PCBP3: variants seen among roughly 807,000 people sequenced by gnomAD.
The protein encoded by PCBP3 is poly(rC) binding protein 3, also known as poly(rC)-binding protein 3.
Under a neutral mutation model 52.7 loss-of-function variants are expected in PCBP3, and 25 were observed. The ratio of observed to expected loss-of-function variants is 0.47; its 90% CI spans 0.35 to 0.66. PCBP3 has a LOEUF of 0.66. Ranked by LOEUF, PCBP3 falls within the 30% of genes least tolerant of loss-of-function variation. The pLI, the probability that PCBP3 is intolerant of heterozygous loss-of-function variation, is 0.01. For missense variants in PCBP3, 391 were observed against 490.3 expected (o/e 0.80, Z 1.91); for synonymous variants, 162 against 183.0 (o/e 0.89, Z 0.93).
chr21:45,817,492 C>T lies in PCBP3; in HGVS notation c.-125-32469C>T, dbSNP rs1004443335. Among the ~76,000 whole-genome samples, 2 of 152,244 alleles carry T rather than the reference C, an allele frequency of 1.3e-5. No homozygotes were observed. Among genetic ancestry groups the T allele is most frequent in the African/African-American group, 4.8e-5 (2 of 41,462 alleles). ...CGTCTCCTCTTAGCTCTTGCCTCTG[C>T]TGTCCCCATCTCCCATATTCCAGCT... On this transcript the variant is annotated intron_variant, in intron 4 of 17. Coordinates refer to ENST00000681687, the MANE Select transcript of PCBP3 (RefSeq NM_001384156.1). The surrounding 1 kb of genome is among the most constrained non-coding windows in gnomAD (Gnocchi z 4.3).
intron 5 of PCBP3, among the ~76,000 whole-genome samples, chr21:45,893,610 G>T (rs887355130): frequency 1.8e-4 from 27 of 152,040 alleles, no homozygotes; most frequent in African/African-American, 5.8e-4. Flanking sequence ...GTGCAGACGG[G>T]GGGTGGGGAT....
rs868763434 is a variant in PCBP3, at chr21:45,655,750, A to G, written c.-279+11882A>G. On this transcript the variant is annotated intron_variant, in intron 1 of 17. Transcript: ENST00000681687. ...CTACAGAATGGGAGAACGTCTTTAC[A>G]ATCTATCCATCTGACAACGGTCTAA... is the stretch of plus-strand genomic sequence containing the variant. Among the ~76,000 whole-genome samples the G allele has an allele frequency of 2.6e-5, 4 of 152,196 alleles. No individual in the cohort carries two copies. The East Asian group carries it at 7.7e-4, about 29-fold the overall frequency.
At chr21:45,798,092 TAGAG>T (rs1187862377) in intron 4 of PCBP3, among the ~76,000 whole-genome samples, 21 of 141,606 alleles carry the variant, frequency 1.5e-4, no homozygotes, top group African/African-American at 5.2e-4. Context: ...CATGGATCCT[TAGAG>T]AGAGTGAATA....
rs1171563650 is a variant in PCBP3, at chr21:45,904,657, G to A, written c.339+3544G>A. On this transcript the variant is annotated intron_variant, in intron 9 of 17. Coordinates refer to ENST00000681687, the MANE Select transcript of PCBP3 (RefSeq NM_001384156.1). The surrounding 1 kb of genome is among the most constrained non-coding windows in gnomAD (Gnocchi z 4.8). Reference sequence around the variant, plus strand: ...GAATTTTTTGGCAACTTTAAGGACCGTAGCTTTTAAACAAGGAAGTGCTTC... The same window carrying A: ...GAATTTTTTGGCAACTTTAAGGACCATAGCTTTTAAACAAGGAAGTGCTTC... 2.6e-5 allele frequency among the ~76,000 whole-genome samples: 4 copies of A among 152,320 alleles called. No individual in the cohort carries two copies. Among genetic ancestry groups the A allele is most frequent in the Middle Eastern group, 3.4e-3 (1 of 294 alleles).
At chr21:45,654,846 G>A (rs2079913948) in intron 1 of PCBP3, among the ~76,000 whole-genome samples, 1 of 152,028 alleles carries the variant, frequency 6.6e-6, no homozygotes, top group South Asian at 2.1e-4. Flanking sequence ...ACTTTAAAAA[G>A]AAACCTCATA....
chr21:45,702,062 CAA>C (rs1167400742), intron 2 of PCBP3, among the ~76,000 whole-genome samples: 2 of 152,192 alleles, frequency 1.3e-5, no homozygotes, highest in Admixed American at 1.3e-4. Flanking sequence ...TGGCTAGAAA[CAA>C]GAGGAGTATT....
At chr21:45,663,616 T>G (rs539136524) in intron 1 of PCBP3, among the ~76,000 whole-genome samples, 1 of 152,324 alleles carries the variant, frequency 6.6e-6, no homozygotes, top group East Asian at 1.9e-4. Flanking sequence ...CCAGTTTTCC[T>G]AGCATCATTT....
intron 11 of PCBP3, 81 bp downstream of exon 11, chr21:45,911,111 C>T (rs758779265): frequency 1.6e-5 from 24 of 1,516,286 alleles, no homozygotes; most frequent in South Asian, 7.9e-5. Context: ...TTGGAAGCCC[C>T]GGTCGCCCCA....
intron 13 of PCBP3, among the ~76,000 whole-genome samples, chr21:45,924,366 G>A (rs1199768102): frequency 4.1e-5 from 5 of 122,738 alleles, no homozygotes; most frequent in East Asian, 5.3e-4. Context: ...TGCGAACACC[G>A]GGAACAGTCG....
chr21:45,672,863 T>C (rs2147320704), intron 2 of PCBP3, among the ~76,000 whole-genome samples: 2 of 152,342 alleles, frequency 1.3e-5, no homozygotes, highest in Middle Eastern at 6.8e-3. Flanking sequence ...CTAGACGCTT[T>C]CCTGTCTCTC....
At chr21:45,906,336 A>G (rs899939020) in intron 9 of PCBP3, among the ~76,000 whole-genome samples, 1 of 151,734 alleles carries the variant, frequency 6.6e-6, no homozygotes, top group Non-Finnish European at 1.5e-5. Context: ...TGGTATCTGT[A>G]CTGGCAGGAC....
chr21:45,848,185 A>G (rs2093858351), intron 4 of PCBP3: 1 of 152,240 alleles, frequency 6.6e-6, no homozygotes, highest in Non-Finnish European at 1.5e-5. Context: ...GTGTGGGAGC[A>G]GCCTGACCAT....
At chr21:45,868,753 G>T (rs960889026) in intron 5 of PCBP3, among the ~76,000 whole-genome samples, 1 of 152,224 alleles carries the variant, frequency 6.6e-6, no homozygotes, top group Non-Finnish European at 1.5e-5. Flanking sequence ...GGAAGAACCC[G>T]GGAGGCAGGC....
intron 4 of PCBP3, among the ~76,000 whole-genome samples, chr21:45,772,391 G>A (rs901905631): frequency 7.2e-5 from 11 of 151,998 alleles, no homozygotes; most frequent in Non-Finnish European, 1.5e-5. Context: ...CAACTGACAT[G>A]GTTTTATTCT....
At chr21:45,811,194 C>T (rs1327940849) in intron 4 of PCBP3, among the ~76,000 whole-genome samples, 1 of 152,220 alleles carries the variant, frequency 6.6e-6, no homozygotes, top group Non-Finnish European at 1.5e-5. Context: ...CACCTTCCAA[C>T]ATCACCACAG....
chr21:45,644,513 C>T (rs202233361), intron 1 of PCBP3, among the ~76,000 whole-genome samples: 2 of 151,626 alleles, frequency 1.3e-5, no homozygotes, highest in Non-Finnish European at 2.9e-5. Flanking sequence ...GAGTTTTTTT[C>T]TTTTTTTTGC....
intron 4 of PCBP3, among the ~76,000 whole-genome samples, chr21:45,820,601 G>A (rs369390468): frequency 3.3e-5 from 5 of 152,154 alleles, no homozygotes; most frequent in Non-Finnish European, 4.4e-5. Context: ...ACTGTGCTCC[G>A]GGGAAACGTG....
Position 45,735,626 on chromosome 21 carries a change from C to T in PCBP3, c.-162+197C>T, listed in dbSNP as rs572528659. ...CCAAGAGCATGTAGTGTGAGTGACA[C>T]GCGTTTTCCCTTCTTGCTTCTGTGG... On this transcript the variant is annotated intron_variant, in intron 3 of 17. Coordinates refer to ENST00000681687, the MANE Select transcript of PCBP3 (RefSeq NM_001384156.1). The surrounding 1 kb of genome is among the most constrained non-coding windows in gnomAD (Gnocchi z 4.0). 2.4e-4 allele frequency among the ~76,000 whole-genome samples: 36 copies of T among 152,274 alleles called. No homozygotes were observed. The highest frequency in any genetic ancestry group is 8.2e-4 in the African/African-American group (34 of 41,560).
intron 4 of PCBP3, among the ~76,000 whole-genome samples, chr21:45,797,286 CAG>C (rs2091968909): frequency 5.2e-5 from 1 of 19,180 alleles, no homozygotes; most frequent in Non-Finnish European, 1.1e-4. Context: ...CATGGATCCA[CAG>C]AGAGTGAATG....
Sources: allele counts gnomAD v4.1 joint callset (sites outside exome capture counted in the v4.1 genomes callset), GRCh38; gene constraint gnomAD v4.1.1; non-coding constraint Gnocchi (gnomAD v3.1); transcripts MANE v1.5; gene names NCBI Gene and HGNC (gene_info 2026-07-23, HGNC 2026-07-21).